PRMT3: variants seen among roughly 807,000 people sequenced by gnomAD.
PRMT3 encodes protein arginine N-methyltransferase 3.
In PRMT3, 62 loss-of-function variants were observed where a neutral mutation model predicts 71.9. The observed-to-expected ratio is 0.86, with a 90% CI of 0.70 to 1.07. The LOEUF (loss-of-function observed/expected upper bound fraction) is 1.07, where lower values mean the gene tolerates loss of function less well. Ranked by LOEUF, PRMT3 falls within the 50% of genes least tolerant of loss-of-function variation. The probability of loss-of-function intolerance (pLI) is 0.00; values close to 1 mark genes in which losing one functional copy is unlikely to be tolerated. For synonymous variants in PRMT3, 213 were observed against 220.4 expected, an observed-to-expected ratio of 0.97 and a Z score of 0.30; for missense variants, 663 against 643.0, an observed-to-expected ratio of 1.03 and a Z score of -0.34.
At chr11:20,446,679 C>G (rs1461062480) in intron 10 of PRMT3, among the ~76,000 whole-genome samples, 2 of 152,122 alleles carry the variant, frequency 1.3e-5, no homozygotes, top group Non-Finnish European at 2.9e-5. Flanking sequence ...TTGAATGTGC[C>G]TATCCTTTAA....
chr11:20,411,327 A>C (rs6416027), intron 9 of PRMT3, among the ~76,000 whole-genome samples: 124,599 of 151,982 alleles, frequency 0.82, 53,019 homozygotes, highest in Non-Finnish European at 0.95. Flanking sequence ...TCATTTTGTC[A>C]GCCAGATTTT....
At chr11:20,422,583 G>T (rs1233703011) in intron 9 of PRMT3, among the ~76,000 whole-genome samples, 1 of 152,100 alleles carries the variant, frequency 6.6e-6, no homozygotes, top group African/African-American at 2.4e-5. Flanking sequence ...CCACTAGCAG[G>T]TTCTCTAAAT....
At chr11:20,394,479 T>A (rs1848783093) in intron 5 of PRMT3, among the ~76,000 whole-genome samples, 1 of 152,196 alleles carries the variant, frequency 6.6e-6, no homozygotes, top group African/African-American at 2.4e-5. Context: ...GTATAATTGA[T>A]AAGTGAAAAT....
At chr11:20,437,085 C>T (rs924878581) in intron 10 of PRMT3, among the ~76,000 whole-genome samples, 29 of 152,064 alleles carry the variant, frequency 1.9e-4, no homozygotes, top group African/African-American at 7.0e-4. Context: ...CTCTAATAAA[C>T]ATTTATAATT....
intron 10 of PRMT3, among the ~76,000 whole-genome samples, chr11:20,430,685 TG>T (rs1419964158): frequency 6.6e-6 from 1 of 152,204 alleles, no homozygotes; most frequent in Non-Finnish European, 1.5e-5. Context: ...TTAACATGTC[TG>T]TCATCTCACA....
At chr11:20,478,714 C>G (rs993687135) in intron 13 of PRMT3, among the ~76,000 whole-genome samples, 3 of 152,094 alleles carry the variant, frequency 2.0e-5, no homozygotes, top group Admixed American at 6.6e-5. Context: ...AGTCATAATA[C>G]TCTGTTTTCA....
intron 6 of PRMT3, among the ~76,000 whole-genome samples, chr11:20,397,249 A>G (rs981027010): frequency 1.3e-5 from 2 of 152,228 alleles, no homozygotes; most frequent in Admixed American, 6.5e-5. Flanking sequence ...ACATTGATTC[A>G]TTTGCTAAAA....
chr11:20,486,216 A>G (rs1490529753), intron 13 of PRMT3, among the ~76,000 whole-genome samples: 2 of 152,216 alleles, frequency 1.3e-5, no homozygotes, highest in Non-Finnish European at 2.9e-5. Flanking sequence ...GGGAAATGAA[A>G]TGTTTTTAAA....
At chr11:20,453,758 A>C (rs1850206592) in intron 11 of PRMT3, among the ~76,000 whole-genome samples, 1 of 152,110 alleles carries the variant, frequency 6.6e-6, no homozygotes, top group South Asian at 2.1e-4. Flanking sequence ...TCCAGGTTGA[A>C]TATCCCTTAT....
Position 20,423,905 on chromosome 11 carries a change from C to T in PRMT3, c.894-2861C>T, listed in dbSNP as rs1338353247. Among the ~76,000 whole-genome samples the T allele has an allele frequency of 2.4e-5, 3 of 123,084 alleles. No homozygotes were observed. The East Asian group carries it at 6.6e-4, about 27-fold the overall frequency. The allele number at this position is 123,084 out of a possible 152,430, so 80.7% of individuals were successfully genotyped here. On this transcript the variant is annotated intron_variant, in intron 9 of 15. Coordinates refer to ENST00000331079, the MANE Select transcript of PRMT3 (RefSeq NM_005788.4). ...AAAAAAAAAAAAAAAAAAAAAAAGG[C>T]CAGGCGCGGTGGCTGACGCCTGTAA...
At chr11:20,477,861 G>T (rs920566618) in intron 13 of PRMT3, among the ~76,000 whole-genome samples, 8 of 144,012 alleles carry the variant, frequency 5.6e-5, no homozygotes, top group African/African-American at 2.1e-4. Context: ...ACTCCAATAA[G>T]TAACGTGAGG....
At chr11:20,405,885 A>G (rs931301580) in intron 8 of PRMT3, 3 of 152,216 alleles carry the variant, frequency 2.0e-5, no homozygotes, top group Non-Finnish European at 1.5e-5. Context: ...TTATAATGTC[A>G]TGCAGCCATC....
chr11:20,486,914 G>A (rs747142736), intron 13 of PRMT3, among the ~76,000 whole-genome samples: 6 of 151,854 alleles, frequency 4.0e-5, no homozygotes, highest in South Asian at 2.1e-4. Flanking sequence ...AAGATTAGCC[G>A]GGCATCATGG....
chr11:20,417,564 GA>G (rs1221413598), intron 9 of PRMT3, among the ~76,000 whole-genome samples: 8 of 152,054 alleles, frequency 5.3e-5, no homozygotes, highest in Non-Finnish European at 7.4e-5. Flanking sequence ...ATCACATAGG[GA>G]AAATGTAGAT....
intron 13 of PRMT3, among the ~76,000 whole-genome samples, chr11:20,483,943 C>T (rs1245148740): frequency 6.6e-6 from 1 of 152,156 alleles, no homozygotes; most frequent in Non-Finnish European, 1.5e-5. Context: ...CATCTGATAG[C>T]AGTTTTGAGT....
chr11:20,493,662 C>A (rs1851263098), intron 13 of PRMT3, among the ~76,000 whole-genome samples: 1 of 152,192 alleles, frequency 6.6e-6, no homozygotes, highest in South Asian at 2.1e-4. Context: ...AGTGGTCTAG[C>A]ATGATTATTT....
chr11:20,497,784 G>A (rs1440039080), intron 15 of PRMT3, among the ~76,000 whole-genome samples: 1 of 152,122 alleles, frequency 6.6e-6, no homozygotes, highest in Non-Finnish European at 1.5e-5. Flanking sequence ...AGGGGTTCAC[G>A]TTTCTAGCTT....
chr11:20,436,504 T>G lies in PRMT3; in HGVS notation c.993+9639T>G, dbSNP rs557066274. ...GAGAGTATTTATCATGAAGGGATGT[T>G]GAATTTTATCAGATGCTTCTCTGTG... is the stretch of plus-strand genomic sequence containing the variant. On this transcript the variant is annotated intron_variant, in intron 10 of 15. Coordinates refer to ENST00000331079, the MANE Select transcript of PRMT3 (RefSeq NM_005788.4). Among the ~76,000 whole-genome samples the G allele has an allele frequency of 1.9e-4, 29 of 152,336 alleles. No homozygotes were observed. In the South Asian group the frequency reaches 5.6e-3, roughly 29 times the overall value.
intron 11 of PRMT3, among the ~76,000 whole-genome samples, chr11:20,458,192 G>T (rs1850309666): frequency 6.6e-6 from 1 of 151,924 alleles, no homozygotes; most frequent in African/African-American, 2.4e-5. Flanking sequence ...TGAAAAAAGT[G>T]GTTTATTTTG....
Sources: gnomAD v4.1 joint callset for allele counts (sites outside exome capture counted in the v4.1 genomes callset) on GRCh38, gnomAD v4.1.1 for gene constraint, MANE v1.5 for transcripts, NCBI Gene and HGNC (gene_info 2026-07-23, HGNC 2026-07-21) for gene names.